Variants in UNC5C observed in about 807,000 individuals in gnomAD.
UNC5C encodes the protein unc-5 netrin receptor C, also known as netrin receptor UNC5C.
UNC5C carries 47 observed loss-of-function variants against 99.8 expected under a neutral mutation model. The ratio of observed to expected loss-of-function variants is 0.47; its 90% CI spans 0.37 to 0.60. The LOEUF (loss-of-function observed/expected upper bound fraction) is 0.60. Ranked by LOEUF, UNC5C falls within the 20% of genes least tolerant of loss-of-function variation. UNC5C has a pLI of 0.00. For missense variants in UNC5C, 1,062 were observed against 1,165.9 expected, an observed-to-expected ratio of 0.91 and a Z score of 1.30; for synonymous variants, 487 against 452.2, an observed-to-expected ratio of 1.08 and a Z score of -0.98.
At chr4:95,536,105 C>T (rs13107780) in intron 1 of UNC5C, among the ~76,000 whole-genome samples, 45,162 of 145,272 alleles carry the variant, frequency 0.31, 8,273 homozygotes, top group Middle Eastern at 0.46. Flanking sequence ...GAGATGGAGT[C>T]TCGCTCTTGT....
At chr4:95,424,959 G>A (rs1003637119) in intron 1 of UNC5C, among the ~76,000 whole-genome samples, 1 of 152,102 alleles carries the variant, frequency 6.6e-6, no homozygotes, top group African/African-American at 2.4e-5. Flanking sequence ...ACCGGACTAG[G>A]CTTCAGGAAA....
At chr4:95,245,561 T>TA (rs910069612) in intron 5 of UNC5C, among the ~76,000 whole-genome samples, 16 of 152,110 alleles carry the variant, frequency 1.1e-4, no homozygotes, top group Non-Finnish European at 2.1e-4. Flanking sequence ...AATTTAGCCT[T>TA]AAAAAAAAGA....
At chr4:95,401,295 A>T (rs1745689332) in intron 1 of UNC5C, among the ~76,000 whole-genome samples, 1 of 149,702 alleles carries the variant, frequency 6.7e-6, no homozygotes, top group South Asian at 2.1e-4. Flanking sequence ...TATTTTTATT[A>T]TTTTTATTTT....
intron 4 of UNC5C, among the ~76,000 whole-genome samples, chr4:95,251,374 A>G (rs1739721872): frequency 6.6e-6 from 1 of 152,194 alleles, no homozygotes; most frequent in African/African-American, 2.4e-5. Context: ...TAATGCTAAC[A>G]TTCAAATCTT....
chr4:95,471,951 T>C (rs265061), intron 1 of UNC5C, among the ~76,000 whole-genome samples: 34,642 of 151,952 alleles, frequency 0.23, 5,417 homozygotes, highest in African/African-American at 0.44. Context: ...AGTCTGAAAA[T>C]AAGTCTAGCT....
intron 11 of UNC5C, among the ~76,000 whole-genome samples, chr4:95,203,856 G>A (rs576581938): frequency 7.2e-5 from 11 of 152,198 alleles, no homozygotes; most frequent in South Asian, 2.1e-4. Context: ...AGGTTTAAAC[G>A]GAAAACACTC....
At chr4:95,199,556 T>C (rs936693892) in intron 12 of UNC5C, among the ~76,000 whole-genome samples, 1 of 152,180 alleles carries the variant, frequency 6.6e-6, no homozygotes, top group Non-Finnish European at 1.5e-5. Context: ...TTAAACCTGT[T>C]CATCACTCTT....
intron 14 of UNC5C, among the ~76,000 whole-genome samples, chr4:95,177,266 T>C (rs1381906577): frequency 1.3e-5 from 2 of 152,304 alleles, no homozygotes; most frequent in East Asian, 3.9e-4. Context: ...TCTCTCTTTT[T>C]AAAGCACGTA....
At chr4:95,475,628 C>T (rs1748121891) in intron 1 of UNC5C, among the ~76,000 whole-genome samples, 1 of 151,948 alleles carries the variant, frequency 6.6e-6, no homozygotes, top group Non-Finnish European at 1.5e-5. Context: ...AGATATTTTG[C>T]ATGACCAGAA....
At chr4:95,541,497 G>T (rs920330845) in intron 1 of UNC5C, among the ~76,000 whole-genome samples, 1 of 152,102 alleles carries the variant, frequency 6.6e-6, no homozygotes, top group Admixed American at 6.6e-5. Context: ...GTAATTATAA[G>T]TGGATACTTT....
At chr4:95,360,161 C>T (rs969733380) in intron 1 of UNC5C, among the ~76,000 whole-genome samples, 1 of 152,058 alleles carries the variant, frequency 6.6e-6, no homozygotes, top group African/African-American at 2.4e-5. Context: ...GTTACCTTTT[C>T]AACAATACGT....
intron 3 of UNC5C, among the ~76,000 whole-genome samples, chr4:95,280,332 A>G (rs914500950): frequency 5.3e-5 from 8 of 152,216 alleles, no homozygotes; most frequent in Non-Finnish European, 1.0e-4. Flanking sequence ...TCCAAATGTG[A>G]TAGAATTTCT....
chr4:95,295,807 G>C (rs549101563), intron 3 of UNC5C, among the ~76,000 whole-genome samples: 1 of 152,330 alleles, frequency 6.6e-6, no homozygotes, highest in South Asian at 2.1e-4. Context: ...ATAAGTGGCT[G>C]GGCACAGTGG....
In UNC5C at chr4:95,185,005, T is replaced by C. The variant is rs538795745; in HGVS notation, c.2286+42A>G. 7.9e-5 allele frequency: 122 copies of C among 1,550,464 alleles called. No homozygotes were observed. In the South Asian group the frequency reaches 1.4e-3, roughly 17 times the overall value. On this transcript the variant is annotated intron_variant, in intron 13 of 15. Transcript: ENST00000453304. ...TCTATATAATTTTAGACCTCTTTCT[T>C]AGAGATGTCTCCAGACCTTTTGTTC... is the stretch of plus-strand genomic sequence containing the variant.
chr4:95,243,606 T>C (rs1739401287), intron 6 of UNC5C, among the ~76,000 whole-genome samples: 1 of 152,222 alleles, frequency 6.6e-6, no homozygotes, highest in South Asian at 2.1e-4. Flanking sequence ...GTAAAAATTA[T>C]ATCATTTTAA....
At chr4:95,232,317 C>T (rs952343411) in intron 7 of UNC5C, among the ~76,000 whole-genome samples, 2 of 151,400 alleles carry the variant, frequency 1.3e-5, no homozygotes, top group Non-Finnish European at 2.9e-5. Flanking sequence ...ATAATGGACT[C>T]TATCCCCGTC....
chr4:95,274,188 A>G (rs1740768261), intron 4 of UNC5C, among the ~76,000 whole-genome samples: 1 of 152,106 alleles, frequency 6.6e-6, no homozygotes, highest in African/African-American at 2.4e-5. Context: ...GGGGGCTGCA[A>G]TTTAGCCAGG....
chr4:95,312,215 T>C (rs1742302824), intron 2 of UNC5C, among the ~76,000 whole-genome samples: 1 of 152,158 alleles, frequency 6.6e-6, no homozygotes, highest in South Asian at 2.1e-4. Flanking sequence ...GTTTCTTAGG[T>C]GGCCACACTG....
chr4:95,253,427 T>G (rs770899982), intron 4 of UNC5C, among the ~76,000 whole-genome samples: 1 of 152,126 alleles, frequency 6.6e-6, no homozygotes, highest in Non-Finnish European at 1.5e-5. Context: ...TGATCTTCAC[T>G]CGATTATACA....
Sources: gnomAD v4.1 joint callset for allele counts (sites outside exome capture counted in the v4.1 genomes callset) on GRCh38, gnomAD v4.1.1 for gene constraint, MANE v1.5 for transcripts, NCBI Gene and HGNC (gene_info 2026-07-23, HGNC 2026-07-21) for gene names.